Variants in LRP1B observed in about 807,000 individuals in gnomAD.
LRP1B encodes the protein LDL receptor related protein 1B.
LRP1B carries 217 observed loss-of-function variants against 556.6 expected under a neutral mutation model. That is an observed-to-expected ratio of 0.39 (90% CI 0.35 to 0.44). The LOEUF (loss-of-function observed/expected upper bound fraction) is 0.44. LRP1B is among the 20% of genes least tolerant of loss of function. The pLI, the probability that LRP1B is intolerant of heterozygous loss-of-function variation, is 1.00. For missense variants in LRP1B, 5,053 were observed against 5,620.8 expected, an observed-to-expected ratio of 0.90 and a Z score of 3.23; for synonymous variants, 2,047 against 1,865.8, an observed-to-expected ratio of 1.10 and a Z score of -2.50.
intron 83 of LRP1B, among the ~76,000 whole-genome samples, chr2:140,310,973 A>G (rs1558790958): frequency 6.6e-6 from 1 of 151,838 alleles, no homozygotes; most frequent in Non-Finnish European, 1.5e-5. Flanking sequence ...AAAAATCACA[A>G]TGAAATGCCA....
chr2:141,376,030 G>T (rs1250909568), intron 3 of LRP1B, among the ~76,000 whole-genome samples: 1 of 152,136 alleles, frequency 6.6e-6, no homozygotes, highest in African/African-American at 2.4e-5. Context: ...GCAGTCCATA[G>T]TAGGGCAGTA....
intron 32 of LRP1B, among the ~76,000 whole-genome samples, chr2:140,794,353 G>T (rs1573727327): frequency 6.6e-6 from 1 of 151,948 alleles, no homozygotes; most frequent in African/African-American, 2.4e-5. Flanking sequence ...ACTTTCACTA[G>T]ATCTCTCATA....
chr2:141,609,687 T>G (rs959906862), intron 2 of LRP1B, among the ~76,000 whole-genome samples: 2 of 152,206 alleles, frequency 1.3e-5, no homozygotes, highest in African/African-American at 4.8e-5. Context: ...CTAGTGCTTT[T>G]GTCAGCTAAC....
chr2:140,543,439 C>A (rs1455538234), intron 43 of LRP1B, among the ~76,000 whole-genome samples: 2 of 151,852 alleles, frequency 1.3e-5, no homozygotes, highest in African/African-American at 4.8e-5. Context: ...AGGAATACAA[C>A]CTGATTCAAT....
In LRP1B at chr2:141,820,158, G is replaced by C. The variant is rs528815393; in HGVS notation, c.83-9757C>G. Among the ~76,000 whole-genome samples, 8 of 152,212 alleles carry C rather than the reference G, an allele frequency of 5.3e-5. No individual in the cohort carries two copies. In the South Asian group the frequency reaches 1.7e-3, roughly 32 times the overall value. ...ACTTGAGATTCAGTGTTACCCTCCA[G>C]AGTCTCTTAAAGACTGCTGAAAATC... On this transcript the variant is annotated intron_variant, in intron 1 of 90. Transcript: ENST00000389484.
intron 1 of LRP1B, among the ~76,000 whole-genome samples, chr2:142,119,502 C>T (rs1188184992): frequency 2.0e-5 from 3 of 152,082 alleles, no homozygotes; most frequent in African/African-American, 7.2e-5. Context: ...TAAACTCTCA[C>T]TTTTTCTCAC....
chr2:141,046,356 A>G (rs1698869869), intron 11 of LRP1B, among the ~76,000 whole-genome samples: 1 of 152,072 alleles, frequency 6.6e-6, no homozygotes, highest in Non-Finnish European at 1.5e-5. Context: ...ATAGAATTTA[A>G]TTTTTCTGAT....
chr2:140,783,299 C>A (rs1428389275), intron 32 of LRP1B, among the ~76,000 whole-genome samples: 1 of 151,946 alleles, frequency 6.6e-6, no homozygotes, highest in African/African-American at 2.4e-5. Context: ...ATCAGCCCTT[C>A]ATGTCTAAAA....
chr2:141,252,521 T>A (rs541043870), intron 4 of LRP1B, among the ~76,000 whole-genome samples: 97 of 152,328 alleles, frequency 6.4e-4, no homozygotes, highest in African/African-American at 2.1e-3. Flanking sequence ...ACAGTAATAC[T>A]GAATGAAATT....
At chr2:140,352,157 AT>A (rs1367928503) in intron 76 of LRP1B, among the ~76,000 whole-genome samples, 1 of 151,912 alleles carries the variant, frequency 6.6e-6, no homozygotes, top group Non-Finnish European at 1.5e-5. Flanking sequence ...CTAGTTTATC[AT>A]TTAATCTTTT....
intron 3 of LRP1B, among the ~76,000 whole-genome samples, chr2:141,474,420 G>A (rs987720707): frequency 4.2e-5 from 5 of 118,068 alleles, no homozygotes; most frequent in Admixed American, 8.4e-5. Context: ...ATTTTTTTTA[G>A]CACTTTTCAT....
chr2:141,426,562 C>A (rs1573933053), intron 3 of LRP1B, among the ~76,000 whole-genome samples: 2 of 142,156 alleles, frequency 1.4e-5, no homozygotes, highest in East Asian at 4.4e-4. Context: ...AGAATAGATC[C>A]ACCTGAATAT....
intron 1 of LRP1B, among the ~76,000 whole-genome samples, chr2:142,078,785 A>T (rs887684041): frequency 6.6e-6 from 1 of 152,150 alleles, no homozygotes; most frequent in Non-Finnish European, 1.5e-5. Context: ...ATAGGAATGT[A>T]ATAATAGGGT....
intron 3 of LRP1B, among the ~76,000 whole-genome samples, chr2:141,367,413 A>G (rs1187830118): frequency 6.7e-6 from 1 of 150,328 alleles, no homozygotes; most frequent in Non-Finnish European, 1.5e-5. Context: ...CTTTAAATGG[A>G]TAACAAAGCG....
chr2:141,107,386 G>A (rs555620004), intron 7 of LRP1B, among the ~76,000 whole-genome samples: 4 of 152,276 alleles, frequency 2.6e-5, no homozygotes, highest in Admixed American at 1.3e-4. Flanking sequence ...GGTAGCTCAT[G>A]CCTGTAATCC....
chr2:140,461,650 C>A (rs752949152), intron 60 of LRP1B, among the ~76,000 whole-genome samples: 1 of 152,006 alleles, frequency 6.6e-6, no homozygotes, highest in East Asian at 1.9e-4. Context: ...GCCTGATCAA[C>A]ATGGTGAAAC....
intron 3 of LRP1B, among the ~76,000 whole-genome samples, chr2:141,342,776 G>GA (rs917640201): frequency 7.2e-5 from 11 of 152,140 alleles, no homozygotes; most frequent in African/African-American, 2.2e-4. Context: ...CAGGGAGAAT[G>GA]AAACCAAATT....
chr2:141,748,161 C>T (rs10496893), intron 2 of LRP1B, among the ~76,000 whole-genome samples: 1 of 152,008 alleles, frequency 6.6e-6, no homozygotes, highest in Non-Finnish European at 1.5e-5. Flanking sequence ...TAACTAGCAA[C>T]TTATTGCCAA....
chr2:140,536,311 T>TAAAAAAA (rs70988404), intron 46 of LRP1B, among the ~76,000 whole-genome samples: 13 of 61,894 alleles, frequency 2.1e-4, no homozygotes, highest in African/African-American at 8.1e-4. Flanking sequence ...CCCGTCTCTT[T>TAAAAAAA]AAAAAAAAAA....
Sources: gnomAD v4.1 joint callset for allele counts (sites outside exome capture counted in the v4.1 genomes callset) on GRCh38, gnomAD v4.1.1 for gene constraint, MANE v1.5 for transcripts, NCBI Gene and HGNC (gene_info 2026-07-23, HGNC 2026-07-21) for gene names.